PTPRQ: variants seen among roughly 807,000 people sequenced by gnomAD.
The protein encoded by PTPRQ is protein tyrosine phosphatase receptor type Q.
In PTPRQ, 199 loss-of-function variants were observed where a neutral mutation model predicts 246.0. The ratio of observed to expected loss-of-function variants is 0.81; its 90% CI spans 0.72 to 0.91. PTPRQ has a LOEUF of 0.91. Among genes scored for constraint, PTPRQ ranks in the 40% least tolerant of loss-of-function variants. PTPRQ has a pLI of 0.00. For synonymous variants in PTPRQ, 869 were observed against 853.2 expected, an observed-to-expected ratio of 1.02 and a Z score of -0.32; for missense variants, 2,624 against 2,528.4, an observed-to-expected ratio of 1.04 and a Z score of -0.81.
chr12:80,455,456 T>C lies in PTPRQ; in HGVS notation c.391-2119T>C, dbSNP rs148809747. ...TGTTTTTACATGTCTGTTGACATTT[T>C]GGATATTGGTTTGAACATTTCTAAA... On this transcript the variant is annotated intron_variant, in intron 3 of 44. Transcript: ENST00000644991. Among the ~76,000 whole-genome samples the C allele has an allele frequency of 3.4e-3, 525 of 152,350 alleles. 5 individuals are homozygous for C. Among genetic ancestry groups the C allele is most frequent in the African/African-American group, 0.012 (514 of 41,586 alleles).
intron 8 of PTPRQ, among the ~76,000 whole-genome samples, chr12:80,476,248 GT>G (rs1893807405): frequency 6.6e-6 from 1 of 152,108 alleles, no homozygotes; most frequent in Non-Finnish European, 1.5e-5. Context: ...TAATTGGAAA[GT>G]TTCTCCACCC....
rs1213931610 is a variant in PTPRQ, at chr12:80,648,925, T to G, written c.5942+2T>G. ...ACTTAGTTATAGAAAATCCATCAAG[T>G]AAGTTTGTTAAATATTTTCTTTCTT... On this transcript the variant is annotated splice_donor_variant, in intron 36 of 44. Coordinates refer to ENST00000644991, the MANE Select transcript of PTPRQ (RefSeq NM_001145026.2). LOFTEE classifies it high-confidence loss of function. The G allele has an allele frequency of 1.3e-6, 2 of 1,510,890 alleles. No homozygotes were observed. The highest frequency in any genetic ancestry group is 1.8e-6 in the Non-Finnish European group (2 of 1,129,080). The allele number at this position is 1,510,890 out of a possible 1,614,324, so 93.6% of individuals were successfully genotyped here.
At chr12:80,604,441 G>T (rs1898244418) in intron 26 of PTPRQ, among the ~76,000 whole-genome samples, 1 of 151,372 alleles carries the variant, frequency 6.6e-6, no homozygotes, top group Admixed American at 6.6e-5. Context: ...TAACAAAGTA[G>T]GACAAATTAA....
chr12:80,499,766 CTG>C (rs150219133), intron 14 of PTPRQ, among the ~76,000 whole-genome samples: 8 of 150,292 alleles, frequency 5.3e-5, no homozygotes, highest in Non-Finnish European at 8.9e-5. Context: ...AAGATTGATT[CTG>C]TGTGTGTGTG....
chr12:80,575,978 C>T (rs549793522), intron 25 of PTPRQ, among the ~76,000 whole-genome samples: 1 of 152,238 alleles, frequency 6.6e-6, no homozygotes, highest in South Asian at 2.1e-4. Context: ...CCTTTGTTCT[C>T]ATTGTTTCTC....
At position 80,613,846 on chromosome 12, in the gene PTPRQ, C is replaced by T. The variant is rs942385544; in HGVS notation, c.5163+10C>T. 1.3e-5 allele frequency: 19 copies of T among 1,478,058 alleles called. No homozygotes were observed. The highest frequency in any genetic ancestry group is 7.5e-5 in the Admixed American group (3 of 40,200). The allele number at this position is 1,478,058 out of a possible 1,614,324, so 91.6% of individuals were successfully genotyped here. ...TACATACAATATCAGTGTAAGAATC[C>T]GTAGCTTCAGTTAATTACCCAAATG... On this transcript the variant is annotated intron_variant, in intron 29 of 44. Transcript: ENST00000644991.
chr12:80,659,244 T>C (rs928000405), intron 39 of PTPRQ, among the ~76,000 whole-genome samples: 13 of 152,076 alleles, frequency 8.5e-5, no homozygotes, highest in Non-Finnish European at 1.6e-4. Context: ...ATTTATCAAA[T>C]GATTGATTCC....
At position 80,669,485 on chromosome 12, in the gene PTPRQ, C is replaced by T. The variant is rs1163041; in HGVS notation, c.6453+21C>T. 539,836 of 1,527,816 alleles carry T rather than the reference C, an allele frequency of 0.35. 100,776 individuals carry two copies. Among genetic ancestry groups the T allele is most frequent in the African/African-American group, 0.68 (48,813 of 71,444 alleles). 94.6% of individuals were successfully genotyped at this position (1,527,816 alleles called of 1,614,324 possible). A position where few individuals can be genotyped will look rare whatever the true frequency, so the allele number is the denominator to read the frequency against. On this transcript the variant is annotated intron_variant, in intron 41 of 44. Transcript: ENST00000644991. ...AAAGGGTAAAAAAAAAAGGGGGGGA[C>T]GAGAGAACATGATATAAAATATGAT...
Position 80,675,530 on chromosome 12 carries a change from G to T in PTPRQ, c.6738+2226G>T, listed in dbSNP as rs1901108319. On this transcript the variant is annotated intron_variant, in intron 43 of 44. Coordinates refer to ENST00000644991, the MANE Select transcript of PTPRQ (RefSeq NM_001145026.2). ...ATCAGTGCTCTCAATGAAATTAAGG[G>T]TTTGCTCTCTTGGGTAGGATAGAGG... 2.0e-5 allele frequency among the ~76,000 whole-genome samples: 3 copies of T among 152,244 alleles called. No homozygotes were observed. In the South Asian group the frequency reaches 6.2e-4, roughly 32 times the overall value.
intron 14 of PTPRQ, among the ~76,000 whole-genome samples, chr12:80,504,131 C>G (rs970608892): frequency 6.6e-6 from 1 of 151,530 alleles, no homozygotes; most frequent in Non-Finnish European, 1.5e-5. Context: ...TCTTCATTTT[C>G]TCTACTATTT....
chr12:80,483,245 A>G lies in PTPRQ; in HGVS notation c.1187-1188A>G, dbSNP rs533855700. Among the ~76,000 whole-genome samples, 334 of 135,798 alleles carry G rather than the reference A, an allele frequency of 2.5e-3. 4 individuals are homozygous for G. The highest frequency in any genetic ancestry group is 8.6e-3 in the African/African-American group (310 of 36,066). The allele number at this position is 135,798 out of a possible 152,430, so 89.1% of individuals were successfully genotyped here. The stretch of plus-strand genomic sequence containing the variant: ...TTTGTAGGGACATGGATGAAATTGG[A>G]AATCATCATTCTCAGTAAACTATCG... On this transcript the variant is annotated intron_variant, in intron 8 of 44. Coordinates refer to ENST00000644991, the MANE Select transcript of PTPRQ (RefSeq NM_001145026.2).
chr12:80,536,094 G>A (rs535782328), intron 19 of PTPRQ, among the ~76,000 whole-genome samples: 133 of 152,118 alleles, frequency 8.7e-4, no homozygotes, highest in Non-Finnish European at 1.5e-3. Context: ...GCGAGAGAGC[G>A]AGACTCCATC....
chr12:80,647,948 C>G (rs951682831), intron 35 of PTPRQ, among the ~76,000 whole-genome samples: 1 of 152,072 alleles, frequency 6.6e-6, no homozygotes, highest in African/African-American at 2.4e-5. Flanking sequence ...CCTGGTCCAG[C>G]ATCCCCATAT....
At chr12:80,452,684 A>T (rs1165056649) in intron 3 of PTPRQ, among the ~76,000 whole-genome samples, 1 of 152,182 alleles carries the variant, frequency 6.6e-6, no homozygotes. Flanking sequence ...AAGAATGTTG[A>T]ATATTGGCCC....
At chr12:80,590,758 A>G (rs893751860) in intron 26 of PTPRQ, among the ~76,000 whole-genome samples, 1 of 151,662 alleles carries the variant, frequency 6.6e-6, no homozygotes, top group African/African-American at 2.4e-5. Context: ...AACAAGCCCT[A>G]TATGACCTGG....
intron 9 of PTPRQ, 65 bp downstream of exon 9, chr12:80,484,670 G>T: frequency 4.0e-6 from 6 of 1,514,354 alleles, no homozygotes; most frequent in Non-Finnish European, 5.3e-6. Flanking sequence ...TGATAGCTTG[G>T]AAGATTTGCT....
intron 41 of PTPRQ, 35 bp downstream of exon 41, chr12:80,669,499 A>G: frequency 6.6e-7 from 1 of 1,523,190 alleles, no homozygotes; most frequent in Non-Finnish European, 8.8e-7. Context: ...AGAACATGAT[A>G]TAAAATATGA....
intron 26 of PTPRQ, among the ~76,000 whole-genome samples, chr12:80,601,699 C>T (rs1438731587): frequency 2.6e-5 from 4 of 151,686 alleles, no homozygotes; most frequent in Admixed American, 6.6e-5. Context: ...ATACAGAGGT[C>T]ATATCCCATC....
chr12:80,659,378 A>T (rs900716031), intron 39 of PTPRQ, among the ~76,000 whole-genome samples: 7 of 152,040 alleles, frequency 4.6e-5, no homozygotes, highest in African/African-American at 1.7e-4. Flanking sequence ...GCATATATGC[A>T]TTTAGATATT....
Sources: allele counts gnomAD v4.1 joint callset (sites outside exome capture counted in the v4.1 genomes callset), GRCh38; gene constraint gnomAD v4.1.1; transcripts MANE v1.5; gene names NCBI Gene and HGNC (gene_info 2026-07-23, HGNC 2026-07-21).